Variants in TBXAS1 observed in about 807,000 individuals in gnomAD.
The protein encoded by TBXAS1 is thromboxane A synthase 1.
In TBXAS1, 48 loss-of-function variants were observed where a neutral mutation model predicts 60.7. The ratio of observed to expected loss-of-function variants is 0.79; its 90% confidence interval spans 0.63 to 1.01. The LOEUF (loss-of-function observed/expected upper bound fraction) is 1.01, where lower values mean the gene tolerates loss of function less well. Ranked by LOEUF, TBXAS1 falls within the 50% of genes least tolerant of loss-of-function variation. TBXAS1 has a pLI of 0.00. For synonymous variants in TBXAS1, 287 were observed against 269.7 expected, an observed-to-expected ratio of 1.06 and a Z score of -0.63; for missense variants, 685 against 686.3, an observed-to-expected ratio of 1.00 and a Z score of 0.02.
intron 9 of TBXAS1, among the ~76,000 whole-genome samples, chr7:139,979,721 C>A (rs1811823161): frequency 8.1e-6 from 1 of 123,552 alleles, no homozygotes. Context: ...GAGCAAGATT[C>A]CATCTCAATA....
chr7:140,006,736 C>A (rs186167828), intron 9 of TBXAS1, among the ~76,000 whole-genome samples: 6 of 152,286 alleles, frequency 3.9e-5, no homozygotes, highest in South Asian at 2.1e-4. Flanking sequence ...GAAACAGTCA[C>A]CACACTGGCT....
intron 9 of TBXAS1, among the ~76,000 whole-genome samples, chr7:139,989,020 A>G (rs1054863374): frequency 6.6e-6 from 1 of 152,178 alleles, no homozygotes; most frequent in Non-Finnish European, 1.5e-5. Context: ...GCTCTCCGTG[A>G]TCTCTAAGGA....
At chr7:139,995,961 C>T (rs555000209) in intron 9 of TBXAS1, among the ~76,000 whole-genome samples, 6 of 152,168 alleles carry the variant, frequency 3.9e-5, no homozygotes, top group Non-Finnish European at 5.9e-5. Flanking sequence ...TTGGTTTTGG[C>T]CTTGTCCCTG....
intron 3 of TBXAS1, among the ~76,000 whole-genome samples, chr7:139,878,414 G>A (rs2116853684): frequency 6.6e-6 from 1 of 152,180 alleles, no homozygotes; most frequent in East Asian, 1.9e-4. Flanking sequence ...CAAGATTGCA[G>A]TATCATCTCC....
intron 5 of TBXAS1, among the ~76,000 whole-genome samples, chr7:139,941,329 T>G (rs545458540): frequency 6.6e-6 from 1 of 152,338 alleles, no homozygotes; most frequent in African/African-American, 2.4e-5. Flanking sequence ...GATGGCGTTG[T>G]CTTCGTTTAT....
chr7:139,816,363 T>A (rs573233735), intron 4 of TBXAS1, among the ~76,000 whole-genome samples: 15 of 152,256 alleles, frequency 9.9e-5, no homozygotes, highest in African/African-American at 3.6e-4. Flanking sequence ...TAGGAAGAAA[T>A]TCATACAGAA....
intron 1 of TBXAS1, among the ~76,000 whole-genome samples, chr7:139,779,769 C>T (rs1796922539): frequency 1.3e-5 from 2 of 152,192 alleles, no homozygotes; most frequent in African/African-American, 2.4e-5. Context: ...AGTGCCTTGG[C>T]TTTTCATCAA....
intron 4 of TBXAS1, among the ~76,000 whole-genome samples, chr7:139,935,891 G>A (rs549560821): frequency 1.3e-5 from 2 of 152,316 alleles, no homozygotes; most frequent in East Asian, 3.9e-4. Flanking sequence ...CCCCTGCTCA[G>A]TAGGGGGACT....
chr7:139,940,053 T>C (rs1221794095), intron 5 of TBXAS1, among the ~76,000 whole-genome samples: 1 of 152,196 alleles, frequency 6.6e-6, no homozygotes, highest in African/African-American at 2.4e-5. Flanking sequence ...AGACAGTAGG[T>C]GCCATCCAGA....
At chr7:139,829,589 T>C (rs1422432282) in intron 1 of TBXAS1, 110 bp downstream of exon 1, 1 of 995,494 alleles carries the variant, frequency 1.0e-6, no homozygotes. Flanking sequence ...TTTTCTAATC[T>C]AGCGGGAGTG....
At chr7:139,794,077 T>C (rs954704891) in intron 4 of TBXAS1, among the ~76,000 whole-genome samples, 1 of 152,104 alleles carries the variant, frequency 6.6e-6, no homozygotes, top group Non-Finnish European at 1.5e-5. Context: ...TTGCTAACAG[T>C]TGGCACAAGA....
Position 140,013,494 on chromosome 7 carries a change from A to G in TBXAS1, c.1227-2229A>G, listed in dbSNP as rs1450592420. Among the ~76,000 whole-genome samples the G allele has an allele frequency of 6.6e-6, 1 of 152,194 alleles. No individual in the cohort carries two copies. ...TTAAGAGAGCCATGCCGGGATTTCAAGTTGCAAGGAAGAGAGATTCAATGG... is the reference window on the plus strand; with the variant it reads ...TTAAGAGAGCCATGCCGGGATTTCAGGTTGCAAGGAAGAGAGATTCAATGG... On this transcript the variant is annotated intron_variant, in intron 10 of 12. Coordinates refer to ENST00000448866, the MANE Select transcript of TBXAS1 (RefSeq NM_001061.7). This position sits in a 1 kb window ranked among gnomAD's most constrained non-coding sequence, Gnocchi z 4.2.
intron 5 of TBXAS1, among the ~76,000 whole-genome samples, chr7:139,951,777 A>C (rs11762678): frequency 0.77 from 83,512 of 108,562 alleles, 33,347 homozygotes; most frequent in Admixed American, 0.82. Context: ...TGTCTAAAAA[A>C]AAAAAAAAAG....
chr7:139,946,189 C>G (rs941601249), intron 5 of TBXAS1, among the ~76,000 whole-genome samples: 1 of 152,098 alleles, frequency 6.6e-6, no homozygotes, highest in East Asian at 1.9e-4. Context: ...AAAAAATTAG[C>G]CAGCTGTGGT....
At chr7:139,997,304 G>A (rs1248422236) in intron 9 of TBXAS1, among the ~76,000 whole-genome samples, 2 of 152,058 alleles carry the variant, frequency 1.3e-5, no homozygotes, top group African/African-American at 4.8e-5. Flanking sequence ...AGAGAAAGTG[G>A]GCTAGGTGAT....
At chr7:140,015,947 CA>C in intron 11 of TBXAS1, 87 bp downstream of exon 11, 30 of 1,583,430 alleles carry the variant, frequency 1.9e-5, no homozygotes, top group Middle Eastern at 3.4e-4. Context: ...CCGGGAGGCA[CA>C]GACTTAGCAA....
intron 1 of TBXAS1, among the ~76,000 whole-genome samples, chr7:139,834,834 A>G (rs139709491): frequency 0.031 from 4,743 of 152,232 alleles, 236 homozygotes; most frequent in African/African-American, 0.11. Context: ...TTAAAAAATT[A>G]CCAACAAAAA....
chr7:139,937,580 C>T lies in TBXAS1; in HGVS notation c.450+1273C>T, dbSNP rs145937383. 5.1e-4 allele frequency among the ~76,000 whole-genome samples: 77 copies of T among 152,304 alleles called. No homozygotes were observed. In the Middle Eastern group the frequency reaches 0.024, roughly 47 times the overall value. ...TATGCAGCACCTGCTCACACTCACACAGCTCAGAGTCAGGTACCAAGGGTT... is the reference window on the plus strand; with the variant it reads ...TATGCAGCACCTGCTCACACTCACATAGCTCAGAGTCAGGTACCAAGGGTT... On this transcript the variant is annotated intron_variant, in intron 5 of 12. Coordinates refer to ENST00000448866, the MANE Select transcript of TBXAS1 (RefSeq NM_001061.7).
At chr7:139,884,205 C>A (rs1351074251) in intron 3 of TBXAS1, among the ~76,000 whole-genome samples, 2 of 152,254 alleles carry the variant, frequency 1.3e-5, no homozygotes, top group Admixed American at 1.3e-4. Context: ...AGCTCCCGCA[C>A]CTGACTGTGG....
Sources: gnomAD v4.1 joint callset for allele counts (sites outside exome capture counted in the v4.1 genomes callset) on GRCh38, gnomAD v4.1.1 for gene constraint, Gnocchi (gnomAD v3.1) non-coding constraint, MANE v1.5 for transcripts, NCBI Gene and HGNC (gene_info 2026-07-23, HGNC 2026-07-21) for gene names.